CHRNE: variants seen among roughly 807,000 people sequenced by gnomAD.
The protein encoded by CHRNE is acetylcholine receptor subunit epsilon.
Under a neutral mutation model 56.5 loss-of-function variants are expected in CHRNE, and 58 were observed. The ratio of observed to expected loss-of-function variants is 1.03; its 90% CI spans 0.83 to 1.28. The LOEUF (loss-of-function observed/expected upper bound fraction) is 1.28. Ranked by LOEUF, CHRNE falls within the 50% of genes most tolerant of loss-of-function variation. CHRNE has a pLI of 0.00. For missense variants in CHRNE, 793 were observed against 688.9 expected, an observed-to-expected ratio of 1.15 and a Z score of -1.69; for synonymous variants, 385 against 297.9, an observed-to-expected ratio of 1.29 and a Z score of -3.01.
intron 5 of CHRNE, 126 bp downstream of exon 5, chr17:4,901,806 G>A: frequency 1.4e-6 from 2 of 1,425,398 alleles, no homozygotes; most frequent in Non-Finnish European, 2.0e-6. Flanking sequence ...GTCCCACCCA[G>A]TGCCTACGCC....
Position 4,899,061 on chromosome 17 carries a change from G to A in CHRNE, c.1266C>T (p.Cys422=), listed in dbSNP as rs994146259. The change falls in exon 11 of 12, where the codon TGC becomes TGT. Residue 422 remains cysteine (C), a synonymous_variant. Transcript: ENST00000649488. Reference sequence around the variant, plus strand: ...CCACGAAGTTCACGGCATCCACACAGCAGCGGACCTCGGGGGCGGCGGCGC... The same window carrying A: ...CCACGAAGTTCACGGCATCCACACAACAGCGGACCTCGGGGGCGGCGGCGC... ...SLGAAAPEVR[C]CVDAVNFVAE... is the part of the protein sequence containing the mutation. The A allele has an allele frequency of 6.2e-7, 1 of 1,611,862 alleles. No individual in the cohort carries two copies. Among genetic ancestry groups the A allele is most frequent in the Non-Finnish European group, 8.5e-7 (1 of 1,179,658 alleles).
intron 11 of CHRNE, 49 bp downstream of exon 11, chr17:4,898,952 C>T: frequency 6.4e-7 from 1 of 1,559,608 alleles, no homozygotes; most frequent in Non-Finnish European, 8.7e-7. Flanking sequence ...GCATGGGAGA[C>T]AGTGGTGGGC....
rs1970029155 is a variant in CHRNE at position 4,902,620 on chromosome 17, C to T, written c.189+1G>A. On this transcript the variant is annotated splice_donor_variant, in intron 2 of 11. Coordinates refer to ENST00000649488, the MANE Select transcript of CHRNE (RefSeq NM_000080.4). LOFTEE classifies it high-confidence loss of function. The surrounding 1 kb of genome is among the most constrained non-coding windows in gnomAD (Gnocchi z 4.0). The stretch of plus-strand genomic sequence containing the variant: ...TTAAGATGAGGGTGGGGGTAGCTTA[C>T]CAGTGAGATGAGATTCGTCAGGGTG... 1.9e-6 allele frequency: 3 copies of T among 1,614,046 alleles called. No individual in the cohort carries two copies. Among genetic ancestry groups the T allele is most frequent in the Non-Finnish European group, 8.5e-7 (1 of 1,180,030 alleles).
rs1463132688 is a variant in CHRNE, at chr17:4,901,123, G to A, written c.669C>T (p.Asp223=). The stretch of plus-strand genomic sequence containing the variant: ...AGATGACGTCAGTCTCCCCTGGGCC[G>A]TCGGTGGCGCCACCGTGGTGGCGGC... The part of the protein sequence containing the change: ...VIRRHHGGAT[D]GPGETDVIYS... Residue 223 remains aspartate, a synonymous_variant, in exon 7 of 12, where the codon GAC becomes GAT. Coordinates refer to ENST00000649488, the MANE Select transcript of CHRNE (RefSeq NM_000080.4). The A allele has an allele frequency of 1.2e-6, 2 of 1,612,712 alleles. No individual in the cohort carries two copies. The highest frequency in any genetic ancestry group is 2.2e-5 in the East Asian group (1 of 44,864).
Position 4,902,608 on chromosome 17 carries a change from G to C in CHRNE, c.189+13C>G. On this transcript the variant is annotated intron_variant, in intron 2 of 11. Transcript: ENST00000649488. The surrounding 1 kb of genome is among the most constrained non-coding windows in gnomAD (Gnocchi z 4.0). ...GGGATTTTTGGCTTAAGATGAGGGTGGGGGTAGCTTACCAGTGAGATGAGA... is the reference window on the plus strand; with the variant it reads ...GGGATTTTTGGCTTAAGATGAGGGTCGGGGTAGCTTACCAGTGAGATGAGA... The C allele has an allele frequency of 6.2e-7, 1 of 1,614,116 alleles. No homozygotes were observed. Among genetic ancestry groups the C allele is most frequent in the African/African-American group, 1.3e-5 (1 of 75,018 alleles).
intron 1 of CHRNE, among the ~76,000 whole-genome samples, chr17:4,908,555 G>C (rs920148298): frequency 1.8e-4 from 28 of 152,166 alleles, no homozygotes; most frequent in Non-Finnish European, 4.0e-4. Flanking sequence ...GGACTGCCTC[G>C]GGGGCTGAGA....
chr17:4,901,210 T>C lies in CHRNE; in HGVS notation c.602-20A>G, dbSNP rs1189719228. ...CGTTCTCTGCGGGACGGGGGCACGGTCAGCTGGCTGTCAGAGCGGGGCGCC... is the reference window on the plus strand; with the variant it reads ...CGTTCTCTGCGGGACGGGGGCACGGCCAGCTGGCTGTCAGAGCGGGGCGCC... On this transcript the variant is annotated intron_variant, in intron 6 of 11. Coordinates refer to ENST00000649488, the MANE Select transcript of CHRNE (RefSeq NM_000080.4). The C allele has an allele frequency of 5.0e-6, 8 of 1,596,410 alleles. No homozygotes were observed. The highest frequency in any genetic ancestry group is 2.7e-5 in the African/African-American group (2 of 74,682).
chr17:4,899,003 C>T lies in CHRNE; in HGVS notation c.1324G>A (p.Glu442Lys), dbSNP rs1287594122. The change falls in exon 11 of 12, where the codon GAG becomes AAG. Residue 442 changes from glutamate to lysine, a missense_variant and splice_region_variant. Transcript: ENST00000649488. Reference sequence around the variant, plus strand: ...CCCGCCTCTGGCTCCTGTCCCACCTCGCCGGTGGCCTCCTGATCTCTCGTG... The same window carrying T: ...CCCGCCTCTGGCTCCTGTCCCACCTTGCCGGTGGCCTCCTGATCTCTCGTG... ...ESTRDQEATG[E>K]EVSDWVRMGN... 1.3e-6 allele frequency: 2 copies of T among 1,594,498 alleles called. No homozygotes were observed. Among genetic ancestry groups the T allele is most frequent in the Non-Finnish European group, 8.5e-7 (1 of 1,171,856 alleles).
At position 4,898,636 on chromosome 17, in the gene CHRNE, T is replaced by C. The variant is rs1220468139; in HGVS notation, c.*100A>G. 6.8e-7 allele frequency: 1 copy of C among 1,460,954 alleles called. No individual in the cohort carries two copies. The highest frequency in any genetic ancestry group is 9.3e-7 in the Non-Finnish European group (1 of 1,074,986). The allele number at this position is 1,460,954 out of a possible 1,614,324, so 90.5% of individuals were successfully genotyped here. The stretch of plus-strand genomic sequence containing the variant: ...GTGAAGTTCACAAACTGCAGATTGA[T>C]CAGCAGGGGGAAGGGATCATAATGC... On this transcript the variant is annotated 3_prime_UTR_variant, in exon 12 of 12. Coordinates refer to ENST00000649488, the MANE Select transcript of CHRNE (RefSeq NM_000080.4).
chr17:4,908,592 C>A (rs1970118575), intron 1 of CHRNE, among the ~76,000 whole-genome samples: 1 of 152,212 alleles, frequency 6.6e-6, no homozygotes, highest in Non-Finnish European at 1.5e-5. Context: ...TGGAGTCAGG[C>A]ACAGGCCTGC....
chr17:4,900,436 G>A (rs1345716399), intron 8 of CHRNE: 2 of 1,550,956 alleles, frequency 1.3e-6, no homozygotes, highest in Admixed American at 2.0e-5. Flanking sequence ...TGTGGACGGG[G>A]TCTGCAGGGG....
At chr17:4,907,182 T>C (rs183145637), upstream of CHRNE, among the ~76,000 whole-genome samples, 176 of 149,698 alleles carry the variant, frequency 1.2e-3, 4 homozygotes, top group East Asian at 0.032. Context: ...TAAAAAAAAC[T>C]TAAGAGTGTA....
chr17:4,901,349 A>C, intron 6 of CHRNE, 159 bp from the exon 7 acceptor site: 1 of 972,098 alleles, frequency 1.0e-6, no homozygotes, highest in Admixed American at 2.0e-5. Context: ...GAGGGTATGG[A>C]AAGCCAGAAG....
At chr17:4,899,886 C>G (rs1023519124) in intron 8 of CHRNE, 5 of 1,547,874 alleles carry the variant, frequency 3.2e-6, no homozygotes, top group Non-Finnish European at 4.4e-6. Context: ...GTCTCCTGTT[C>G]GCCCCTGTGA....
At position 4,899,826 on chromosome 17, in the gene CHRNE, G is replaced by A. The variant is rs771447345; in HGVS notation, c.918-244C>T. 2.1e-5 allele frequency: 32 copies of A among 1,551,030 alleles called. No individual in the cohort carries two copies. The South Asian group carries it at 2.5e-4, about 12-fold the overall frequency. Reference sequence around the variant, plus strand: ...GATCTACCACTTCCACAGCTCCACCGAGGTGAGGCTACGCCCGCCAAGGGC... The same window carrying A: ...GATCTACCACTTCCACAGCTCCACCAAGGTGAGGCTACGCCCGCCAAGGGC... On this transcript the variant is annotated intron_variant, in intron 8 of 11. Transcript: ENST00000649488.
chr17:4,906,604 C>A (rs562106875), upstream of CHRNE, among the ~76,000 whole-genome samples: 1 of 152,062 alleles, frequency 6.6e-6, no homozygotes, highest in South Asian at 2.1e-4. Context: ...CATCATTGGT[C>A]ATCACTGGGA....
chr17:4,900,826 G>A lies in CHRNE; in HGVS notation c.884C>T (p.Pro295Leu), dbSNP rs1481320222. 1.9e-6 allele frequency: 3 copies of A among 1,614,168 alleles called. No homozygotes were observed. The highest frequency in any genetic ancestry group is 1.1e-5 in the South Asian group (1 of 91,084). The change falls in exon 8 of 12, where the codon CCA becomes CTA. Residue 295 changes from proline (P) to leucine (L), a missense_variant. Physicochemically the swap from Pro to Leu is moderately conservative, Grantham distance 98. Transcript: ENST00000649488. ...GAGCGGCACGCTCAGAGAAGTCTCTGGGATTTTCTGGGCAATGAGGAACAA... is the reference window on the plus strand; with the variant it reads ...GAGCGGCACGCTCAGAGAAGTCTCTAGGATTTTCTGGGCAATGAGGAACAA... ...VFLFLIAQKI[P>L]ETSLSVPLLG...
Position 4,902,366 on chromosome 17 carries a change from C to T in CHRNE, c.235-40G>A. The T allele has an allele frequency of 6.2e-7, 1 of 1,613,614 alleles. No homozygotes were observed. The highest frequency in any genetic ancestry group is 8.5e-7 in the Non-Finnish European group (1 of 1,179,520). On this transcript the variant is annotated intron_variant, in intron 3 of 11. Transcript: ENST00000649488. This position sits in a 1 kb window ranked among gnomAD's most constrained non-coding sequence, Gnocchi z 4.0. ...ATGGAAGGCCGCGTGCCCTGCATCTCCCACCTGGCGCTGCCTGGGAGGGGT... is the reference window on the plus strand; with the variant it reads ...ATGGAAGGCCGCGTGCCCTGCATCTTCCACCTGGCGCTGCCTGGGAGGGGT...
chr17:4,900,137 T>C, intron 8 of CHRNE: 2 of 1,550,116 alleles, frequency 1.3e-6, no homozygotes, highest in Non-Finnish European at 1.7e-6. Context: ...CGGCACCACC[T>C]TGTTAGAGGT....
Sources: allele counts gnomAD v4.1 joint callset (sites outside exome capture counted in the v4.1 genomes callset), GRCh38; gene constraint gnomAD v4.1.1; non-coding constraint Gnocchi (gnomAD v3.1); transcripts MANE v1.5; gene names NCBI Gene and HGNC (gene_info 2026-07-23, HGNC 2026-07-21).